The following TOP1 variants were observed in gnomAD, a reference collection of about 807,000 sequenced individuals.
The protein encoded by TOP1 is DNA topoisomerase I, also known as DNA topoisomerase 1.
Under a neutral mutation model 111.1 loss-of-function variants are expected in TOP1, and 10 were observed. The observed-to-expected ratio is 0.09, with a 90% CI of 0.06 to 0.15. The LOEUF (loss-of-function observed/expected upper bound fraction) is 0.15, where lower values mean the gene tolerates loss of function less well. Among genes scored for constraint, TOP1 ranks in the 10% least tolerant of loss-of-function variants. TOP1 has a pLI of 1.00. For synonymous variants in TOP1, 271 were observed against 302.9 expected (o/e 0.89, Z 1.10); for missense variants, 474 against 926.7 (o/e 0.51, Z 6.34).
intron 2 of TOP1, among the ~76,000 whole-genome samples, chr20:41,060,599 G>C (rs1408470788): frequency 6.6e-6 from 1 of 152,100 alleles, no homozygotes; most frequent in African/African-American, 2.4e-5. Flanking sequence ...GCACCTGTGG[G>C]TGTCTTTGAA....
At chr20:41,085,490 TAAAC>T (rs1245001180) in intron 8 of TOP1, among the ~76,000 whole-genome samples, 1 of 152,238 alleles carries the variant, frequency 6.6e-6, no homozygotes, top group East Asian at 1.9e-4. Flanking sequence ...AATCTTGAAA[TAAAC>T]ATGTTTTTAA....
chr20:41,090,296 C>CT (rs1380975616), intron 8 of TOP1, among the ~76,000 whole-genome samples: 2 of 151,916 alleles, frequency 1.3e-5, no homozygotes, highest in Non-Finnish European at 1.5e-5. Flanking sequence ...TTAATTTTAT[C>CT]TTTTTTTTCC....
At chr20:41,057,137 G>A (rs930174818) in intron 2 of TOP1, among the ~76,000 whole-genome samples, 7 of 152,062 alleles carry the variant, frequency 4.6e-5, no homozygotes. Context: ...ATGGCGGCAT[G>A]CACCTGTAGT....
intron 2 of TOP1, among the ~76,000 whole-genome samples, chr20:41,059,879 T>G (rs369704571): frequency 6.6e-6 from 1 of 152,160 alleles, no homozygotes; most frequent in South Asian, 2.1e-4. Context: ...GAGCAGATAC[T>G]TCACCAAAGA....
At chr20:41,048,574 T>C (rs898429257) in intron 2 of TOP1, among the ~76,000 whole-genome samples, 1 of 152,174 alleles carries the variant, frequency 6.6e-6, no homozygotes, top group African/African-American at 2.4e-5. Flanking sequence ...GACATTGCAT[T>C]AAAGGAGTTG....
At chr20:41,066,989 A>G (rs542350790) in intron 3 of TOP1, among the ~76,000 whole-genome samples, 40 of 152,328 alleles carry the variant, frequency 2.6e-4, no homozygotes, top group African/African-American at 7.2e-4. Context: ...TCTTATTCAC[A>G]TGAGTAAATT....
rs1027667489 is a variant in TOP1, at chr20:41,067,584, A to G, written c.155+6094A>G. ...TTAGTATTTAGCATGTTCTGTTCCA[A>G]AATGCTTTCATTTATTCCAATCCTT... On this transcript the variant is annotated intron_variant, in intron 3 of 20. Coordinates refer to ENST00000361337, the MANE Select transcript of TOP1 (RefSeq NM_003286.4). This position sits in a 1 kb window ranked among gnomAD's most constrained non-coding sequence, Gnocchi z 4.0. Among the ~76,000 whole-genome samples, 1 of 152,204 alleles carries G rather than the reference A, an allele frequency of 6.6e-6. No homozygotes were observed. Among genetic ancestry groups the G allele is most frequent in the African/African-American group, 2.4e-5 (1 of 41,446 alleles).
Position 41,029,162 on chromosome 20 carries a change from C to G in TOP1, c.33+62C>G. ...GGCCTGGCCGTCCCGCGACCCCCGG[C>G]GCAGGCCCCGACCCCAGCCCCGGCC... On this transcript the variant is annotated intron_variant, in intron 1 of 20. Coordinates refer to ENST00000361337, the MANE Select transcript of TOP1 (RefSeq NM_003286.4). This position sits in a 1 kb window ranked among gnomAD's most constrained non-coding sequence, Gnocchi z 6.1. 7.7e-7 allele frequency: 1 copy of G among 1,301,104 alleles called. No individual in the cohort carries two copies. The highest frequency in any genetic ancestry group is 1.0e-6 in the Non-Finnish European group (1 of 990,100). 80.6% of individuals were successfully genotyped at this position (1,301,104 alleles called of 1,614,324 possible). A position where few individuals can be genotyped will look rare whatever the true frequency, so the allele number is the denominator to read the frequency against.
Position 41,121,548 on chromosome 20 carries a change from C to A in TOP1, c.1951-148C>A. 1 of 692,400 alleles carries A rather than the reference C, an allele frequency of 1.4e-6. No homozygotes were observed. 42.9% of individuals were successfully genotyped at this position (692,400 alleles called of 1,614,324 possible). A position where few individuals can be genotyped will look rare whatever the true frequency, so the allele number is the denominator to read the frequency against. ...TCACTAGTCCTTGTGCATCTTCTCC[C>A]TGCCTTCATGAAGCCACCCTTGTTT... On this transcript the variant is annotated intron_variant, in intron 18 of 20. Coordinates refer to ENST00000361337, the MANE Select transcript of TOP1 (RefSeq NM_003286.4). The surrounding 1 kb of genome is among the most constrained non-coding windows in gnomAD (Gnocchi z 4.2).
intron 3 of TOP1, among the ~76,000 whole-genome samples, chr20:41,066,295 A>G (rs1424973951): frequency 2.0e-5 from 3 of 151,332 alleles, no homozygotes; most frequent in Non-Finnish European, 4.4e-5. Context: ...AGAAATCCTC[A>G]TCCTTGTACA....
chr20:41,036,917 G>C (rs927532696), intron 2 of TOP1, among the ~76,000 whole-genome samples: 3 of 143,730 alleles, frequency 2.1e-5, no homozygotes, highest in African/African-American at 5.2e-5. Flanking sequence ...TGCAAGCTCC[G>C]CCTCCCAGGT....
chr20:41,036,833 T>TTTC (rs1555802392), intron 2 of TOP1, among the ~76,000 whole-genome samples: 1 of 1,000 alleles, frequency 1.0e-3, no homozygotes, highest in African/African-American at 0.013. Flanking sequence ...CCTACTTTTC[T>TTTC]TTTTTTTTTT....
At chr20:41,043,600 G>A (rs762630325) in intron 2 of TOP1, among the ~76,000 whole-genome samples, 2 of 152,182 alleles carry the variant, frequency 1.3e-5, no homozygotes, top group Non-Finnish European at 2.9e-5. Flanking sequence ...AGGTCCCTTG[G>A]TTGAATTAGT....
At chr20:41,105,801 C>T (rs2034136782) in intron 13 of TOP1, among the ~76,000 whole-genome samples, 1 of 152,162 alleles carries the variant, frequency 6.6e-6, no homozygotes, top group Non-Finnish European at 1.5e-5. Flanking sequence ...TGCCTCTATT[C>T]TCTTGTTAAG....
chr20:41,081,871 G>A (rs542786522), intron 7 of TOP1, among the ~76,000 whole-genome samples: 121 of 152,234 alleles, frequency 7.9e-4, no homozygotes, highest in African/African-American at 2.8e-3. Flanking sequence ...GAACACACAT[G>A]CTCCCTTCTT....
rs1239836819 is a variant in TOP1 at position 41,080,725 on chromosome 20, AC to A, written c.432-439del. Among the ~76,000 whole-genome samples the A allele has an allele frequency of 6.6e-6, 1 of 152,234 alleles. No individual in the cohort carries two copies. The highest frequency in any genetic ancestry group is 1.5e-5 in the Non-Finnish European group (1 of 68,042). ...TTGGATGGAAAGGGAGAAGGGAAAT[AC>A]TTAGTGAACTCATTTGTATTCATTC... On this transcript the variant is annotated intron_variant, in intron 6 of 20. Coordinates refer to ENST00000361337, the MANE Select transcript of TOP1 (RefSeq NM_003286.4). The surrounding 1 kb of genome is among the most constrained non-coding windows in gnomAD (Gnocchi z 5.0).
intron 8 of TOP1, 88 bp downstream of exon 8, chr20:41,084,656 C>A: frequency 1.4e-6 from 1 of 739,796 alleles, no homozygotes; most frequent in Non-Finnish European, 2.1e-6. Flanking sequence ...AATTAATATC[C>A]TGATATTTGG....
In TOP1 at chr20:41,064,607, G is replaced by A. The variant is rs148192996; in HGVS notation, c.155+3117G>A. ...TAAACATAGCATGTTTTCTGATGCCGCTAAGCCTTTAAACATGCTGTTGGT... is the reference window on the plus strand; with the variant it reads ...TAAACATAGCATGTTTTCTGATGCCACTAAGCCTTTAAACATGCTGTTGGT... On this transcript the variant is annotated intron_variant, in intron 3 of 20. Coordinates refer to ENST00000361337, the MANE Select transcript of TOP1 (RefSeq NM_003286.4). 4.0e-4 allele frequency among the ~76,000 whole-genome samples: 61 copies of A among 152,138 alleles called. 1 individual carries two copies. The East Asian group carries it at 4.8e-3, about 12-fold the overall frequency.
In TOP1 at chr20:41,083,153, A is replaced by G. The variant is rs111244986; in HGVS notation, c.508-1309A>G. Among the ~76,000 whole-genome samples the G allele has an allele frequency of 5.9e-5, 9 of 152,276 alleles. No homozygotes were observed. Among genetic ancestry groups the G allele is most frequent in the Non-Finnish European group, 7.4e-5 (5 of 68,006 alleles). On this transcript the variant is annotated intron_variant, in intron 7 of 20. Coordinates refer to ENST00000361337, the MANE Select transcript of TOP1 (RefSeq NM_003286.4). This position sits in a 1 kb window ranked among gnomAD's most constrained non-coding sequence, Gnocchi z 7.2. ...CCAATTTGAGGCTTGAAAACATACA[A>G]TGTAGCCAGTAGTTTCCTGATGGGA...
Sources: allele counts gnomAD v4.1 joint callset (sites outside exome capture counted in the v4.1 genomes callset), GRCh38; gene constraint gnomAD v4.1.1; non-coding constraint Gnocchi (gnomAD v3.1); transcripts MANE v1.5; gene names NCBI Gene and HGNC (gene_info 2026-07-23, HGNC 2026-07-21).